PDGFRL: variants seen among roughly 807,000 people sequenced by gnomAD.
The protein encoded by PDGFRL is platelet derived growth factor receptor like.
In PDGFRL, 46 loss-of-function variants were observed where a neutral mutation model predicts 37.2. The observed-to-expected ratio is 1.24, with a 90% CI of 0.98 to 1.58. The LOEUF is 1.58. Ranked by LOEUF, PDGFRL falls within the 40% of genes most tolerant of loss-of-function variation. The pLI, the probability that PDGFRL is intolerant of heterozygous loss-of-function variation, is 0.00. For synonymous variants in PDGFRL, 251 were observed against 184.3 expected (o/e 1.36, Z -2.93); for missense variants, 692 against 467.6 (o/e 1.48, Z -4.43).
Position 17,582,978 on chromosome 8 carries a change from C to A in PDGFRL, c.55+5671C>A, listed in dbSNP as rs118103829. On this transcript the variant is annotated intron_variant, in intron 1 of 5. Coordinates refer to ENST00000251630, the MANE Select transcript of PDGFRL (RefSeq NM_001372073.1). ...AGCTCTAGCCTTCACTTAAAAGGTC[C>A]CAGGTGTGGTTCCAGATGGGCGAAT... Among the ~76,000 whole-genome samples the A allele has an allele frequency of 1.6e-4, 25 of 152,170 alleles. No individual in the cohort carries two copies. The East Asian group carries it at 4.6e-3, about 28-fold the overall frequency.
At chr8:17,625,126 G>T (rs1804706923) in intron 3 of PDGFRL, among the ~76,000 whole-genome samples, 1 of 27,108 alleles carries the variant, frequency 3.7e-5, no homozygotes, top group Non-Finnish European at 7.5e-5. Context: ...ATCTCCTAAA[G>T]CTATCCCTCC....
intron 2 of PDGFRL, among the ~76,000 whole-genome samples, chr8:17,613,480 A>T (rs547938322): frequency 6.6e-6 from 1 of 152,288 alleles, no homozygotes; most frequent in South Asian, 2.1e-4. Flanking sequence ...TGCCAAGAAT[A>T]GGACCTGCAG....
At chr8:17,579,757 C>T (rs865953379) in intron 1 of PDGFRL, among the ~76,000 whole-genome samples, 4 of 152,016 alleles carry the variant, frequency 2.6e-5, no homozygotes, top group African/African-American at 7.2e-5. Flanking sequence ...CCCAATGAAG[C>T]TGGCTGCTCC....
intron 2 of PDGFRL, among the ~76,000 whole-genome samples, chr8:17,593,319 T>G (rs1803982592): frequency 6.6e-6 from 1 of 152,052 alleles, no homozygotes; most frequent in Non-Finnish European, 1.5e-5. Context: ...AGGCCAGGCA[T>G]GATGACTCAC....
At chr8:17,608,144 G>A (rs1721222663) in intron 2 of PDGFRL, among the ~76,000 whole-genome samples, 1 of 152,166 alleles carries the variant, frequency 6.6e-6, no homozygotes, top group Non-Finnish European at 1.5e-5. Context: ...CAAAGACTTT[G>A]CTTGGATTGC....
chr8:17,632,786 C>G (rs977055926), intron 4 of PDGFRL, among the ~76,000 whole-genome samples: 1 of 152,136 alleles, frequency 6.6e-6, no homozygotes, highest in African/African-American at 2.4e-5. Flanking sequence ...TCTCCCCAGC[C>G]CTCCTCCACT....
At chr8:17,595,111 A>T (rs540433839) in intron 2 of PDGFRL, among the ~76,000 whole-genome samples, 9 of 151,972 alleles carry the variant, frequency 5.9e-5, no homozygotes, top group African/African-American at 2.2e-4. Flanking sequence ...TCAGGGCCCT[A>T]TGGGTCTTGG....
chr8:17,583,665 G>A (rs568998608), intron 1 of PDGFRL, among the ~76,000 whole-genome samples: 1 of 152,138 alleles, frequency 6.6e-6, no homozygotes, highest in African/African-American at 2.4e-5. Context: ...GGAGGTGTTT[G>A]AGTCGTGGGG....
intron 2 of PDGFRL, among the ~76,000 whole-genome samples, chr8:17,593,521 C>A (rs1367458427): frequency 1.3e-5 from 2 of 151,632 alleles, no homozygotes; most frequent in African/African-American, 4.9e-5. Flanking sequence ...TCACCTGAGC[C>A]CAGGAAGTCA....
At chr8:17,629,993 T>C (rs1804829237) in intron 4 of PDGFRL, among the ~76,000 whole-genome samples, 1 of 151,924 alleles carries the variant, frequency 6.6e-6, no homozygotes, top group African/African-American at 2.4e-5. Context: ...TGTACTCCCC[T>C]CTCCTGTCCA....
At chr8:17,613,950 T>C (rs1804472562) in intron 2 of PDGFRL, among the ~76,000 whole-genome samples, 2 of 152,326 alleles carry the variant, frequency 1.3e-5, no homozygotes, top group Middle Eastern at 6.8e-3. Flanking sequence ...TGAGCCACAT[T>C]TCACAACGTA....
intron 1 of PDGFRL, among the ~76,000 whole-genome samples, chr8:17,587,709 C>G (rs1803846269): frequency 6.6e-6 from 1 of 151,100 alleles, no homozygotes; most frequent in African/African-American, 2.4e-5. Context: ...CTCACTGTAA[C>G]CTCCGCCTCC....
chr8:17,614,088 TA>T (rs1436642245), intron 2 of PDGFRL, among the ~76,000 whole-genome samples: 3 of 152,224 alleles, frequency 2.0e-5, no homozygotes, highest in Non-Finnish European at 4.4e-5. Context: ...TGACAGATGA[TA>T]GATTGATAGA....
intron 5 of PDGFRL, among the ~76,000 whole-genome samples, chr8:17,640,959 T>A (rs1476489072): frequency 6.6e-6 from 1 of 151,924 alleles, no homozygotes; most frequent in Non-Finnish European, 1.5e-5. Context: ...TGGCTGCTGT[T>A]GGGACTGGCG....
chr8:17,577,365 G>A, intron 1 of PDGFRL, 58 bp downstream of exon 1: 1 of 1,438,322 alleles, frequency 7.0e-7, no homozygotes, highest in South Asian at 1.2e-5. Context: ...GCCGGGACCC[G>A]AAGCCCCCGC....
chr8:17,599,644 C>A (rs796974696), intron 2 of PDGFRL, among the ~76,000 whole-genome samples: 4 of 152,312 alleles, frequency 2.6e-5, no homozygotes, highest in African/African-American at 9.6e-5. Flanking sequence ...ATGTGGCCAC[C>A]TCACGTTTGC....
At chr8:17,595,467 A>C (rs576032672) in intron 2 of PDGFRL, among the ~76,000 whole-genome samples, 90 of 152,276 alleles carry the variant, frequency 5.9e-4, no homozygotes, top group Non-Finnish European at 1.1e-3. Flanking sequence ...TAGGATCTCT[A>C]AAACCCAGCT....
chr8:17,598,339 T>C (rs1186252764), intron 2 of PDGFRL, among the ~76,000 whole-genome samples: 4 of 152,228 alleles, frequency 2.6e-5, no homozygotes, highest in African/African-American at 4.8e-5. Context: ...TACTTCTTTA[T>C]AATCTGGGAT....
intron 1 of PDGFRL, among the ~76,000 whole-genome samples, chr8:17,587,780 G>A (rs1803848063): frequency 6.6e-6 from 1 of 151,972 alleles, no homozygotes; most frequent in Admixed American, 6.6e-5. Context: ...ACAGGCATGC[G>A]CCACCATGCC....
Sources: allele counts gnomAD v4.1 joint callset (sites outside exome capture counted in the v4.1 genomes callset), GRCh38; gene constraint gnomAD v4.1.1; transcripts MANE v1.5; gene names NCBI Gene and HGNC (gene_info 2026-07-23, HGNC 2026-07-21).